Variants in TCF20 observed in about 807,000 individuals in gnomAD.
The protein encoded by TCF20 is transcription factor 20.
In TCF20, 3 loss-of-function variants were observed where a neutral mutation model predicts 148.6. The ratio of observed to expected loss-of-function variants is 0.02; its 90% confidence interval spans 0.01 to 0.05. The LOEUF is 0.05. Ranked by LOEUF, TCF20 falls within the 10% of genes least tolerant of loss-of-function variation. The probability of loss-of-function intolerance (pLI) is 1.00; values close to 1 mark genes in which losing one functional copy is unlikely to be tolerated. For missense variants in TCF20, 2,350 were observed against 2,429.3 expected (o/e 0.97, Z 0.69); for synonymous variants, 1,049 against 909.5 (o/e 1.15, Z -2.76).
chr22:42,222,490 C>G (rs928908551), intron 1 of TCF20, among the ~76,000 whole-genome samples: 3 of 151,956 alleles, frequency 2.0e-5, no homozygotes, highest in African/African-American at 7.2e-5. Flanking sequence ...ACCATCACAC[C>G]CCCCCATAGG....
chr22:42,328,205 A>G (rs1052779332), intron 1 of TCF20, among the ~76,000 whole-genome samples: 2 of 151,942 alleles, frequency 1.3e-5, no homozygotes, highest in Admixed American at 1.3e-4. Flanking sequence ...GGAGAACCAC[A>G]CGTCTCTAGC....
intron 1 of TCF20, among the ~76,000 whole-genome samples, chr22:42,301,679 G>A (rs188154259): frequency 1.2e-4 from 18 of 152,366 alleles, no homozygotes; most frequent in Non-Finnish European, 2.4e-4. Flanking sequence ...AGCAGCAAGG[G>A]AGGGAAGGTG....
At position 42,290,767 on chromosome 22, in the gene TCF20, T is replaced by G. The variant is rs770674545; in HGVS notation, c.-37+52712A>C. Among the ~76,000 whole-genome samples, 33 of 152,152 alleles carry G rather than the reference T, an allele frequency of 2.2e-4. No homozygotes were observed. The highest frequency in any genetic ancestry group is 3.9e-4 in the Admixed American group (6 of 15,280). Reference sequence around the variant, plus strand: ...GATGAGATGCTGGCCTCAAGGACAATTCAAGGCAATTCAAGGACGAGGTCA... The same window carrying G: ...GATGAGATGCTGGCCTCAAGGACAAGTCAAGGCAATTCAAGGACGAGGTCA... On this transcript the variant is annotated intron_variant, in intron 1 of 1. Coordinates refer to the TCF20 transcript ENST00000515426. The surrounding 1 kb of genome is among the most constrained non-coding windows in gnomAD (Gnocchi z 4.2).
intron 1 of TCF20, among the ~76,000 whole-genome samples, chr22:42,294,840 A>T (rs1218683404): frequency 6.6e-6 from 1 of 152,208 alleles, no homozygotes; most frequent in African/African-American, 2.4e-5. Context: ...GGCAGCCTGC[A>T]GAGGGGAATA....
chr22:42,214,734 T>C lies in TCF20; in HGVS notation c.572A>G (p.His191Arg), dbSNP rs765862076. The change falls in exon 2 of 6, where the codon CAT becomes CGT. Residue 191 changes from histidine (H) to arginine (R), a missense_variant. Physicochemically the swap from His to Arg is conservative, Grantham distance 29. Transcript: ENST00000677622. ...QQLRQQLYQS[H>R]QPLPQATGQP... is the part of the protein sequence containing the mutation. ...GCCAGTGGCCTGTGGCAGGGGCTGATGGGACTGGTAAAGCTGTTGTCTCAA... is the reference window on the plus strand; with the variant it reads ...GCCAGTGGCCTGTGGCAGGGGCTGACGGGACTGGTAAAGCTGTTGTCTCAA... The C allele has an allele frequency of 1.9e-6, 3 of 1,614,086 alleles. No homozygotes were observed. The highest frequency in any genetic ancestry group is 2.5e-6 in the Non-Finnish European group (3 of 1,180,022).
intron 1 of TCF20, among the ~76,000 whole-genome samples, chr22:42,243,292 CAAAAAAA>C (rs3045578): frequency 2.4e-3 from 93 of 39,492 alleles, no homozygotes; most frequent in African/African-American, 6.4e-3. Context: ...GACACTGTCT[CAAAAAAA>C]AAAAAAAAAA....
intron 1 of TCF20, among the ~76,000 whole-genome samples, chr22:42,249,276 C>G (rs1925170779): frequency 6.6e-6 from 1 of 152,208 alleles, no homozygotes; most frequent in African/African-American, 2.4e-5. Flanking sequence ...CCCAGGGTCT[C>G]AAGCCTGCAG....
chr22:42,188,293 CAA>C (rs58945649), intron 2 of TCF20, among the ~76,000 whole-genome samples: 29 of 49,460 alleles, frequency 5.9e-4, no homozygotes, highest in South Asian at 1.1e-3. Flanking sequence ...AACTCCGTCT[CAA>C]AAAAAAAAAA....
chr22:42,168,091 T>C (rs891349487), intron 5 of TCF20, among the ~76,000 whole-genome samples: 1 of 152,142 alleles, frequency 6.6e-6, no homozygotes, highest in Non-Finnish European at 1.5e-5. Flanking sequence ...AGGATTTTTC[T>C]TTCCTTTGTA....
At chr22:42,199,391 G>A (rs1049384109) in intron 2 of TCF20, among the ~76,000 whole-genome samples, 1 of 152,070 alleles carries the variant, frequency 6.6e-6, no homozygotes, top group African/African-American at 2.4e-5. Flanking sequence ...ACTTTGCCTA[G>A]CCTCAATTCA....
intron 3 of TCF20, among the ~76,000 whole-genome samples, chr22:42,174,860 C>G (rs1055968133): frequency 6.6e-6 from 1 of 151,942 alleles, no homozygotes; most frequent in Non-Finnish European, 1.5e-5. Flanking sequence ...ACGGTGAAAC[C>G]CCGTCTCTAC....
At chr22:42,273,773 C>T (rs1046963412), upstream of TCF20, 1 of 152,332 alleles carries the variant, frequency 6.6e-6, no homozygotes, top group Non-Finnish European at 1.5e-5. Flanking sequence ...CCTTTCCCTC[C>T]TCCTCTGGCT....
At chr22:42,228,615 G>A (rs908309202) in intron 1 of TCF20, among the ~76,000 whole-genome samples, 2 of 152,196 alleles carry the variant, frequency 1.3e-5, no homozygotes, top group African/African-American at 4.8e-5. Flanking sequence ...AGAGGAACGA[G>A]GCTGGTAAAG....
chr22:42,198,468 C>T (rs560247597), intron 2 of TCF20, among the ~76,000 whole-genome samples: 2 of 152,256 alleles, frequency 1.3e-5, no homozygotes, highest in African/African-American at 4.8e-5. Flanking sequence ...ATGCCCAAGT[C>T]GCTTATATAA....
Position 42,168,716 on chromosome 22 carries a change from G to A in TCF20, c.5820C>T (p.Leu1940=), listed in dbSNP as rs750345807. 1.9e-6 allele frequency: 3 copies of A among 1,611,164 alleles called. No individual in the cohort carries two copies. The highest frequency in any genetic ancestry group is 2.5e-6 in the Non-Finnish European group (3 of 1,179,048). ...PKHKPPLPCP[L]PPLQNKTAKG... ...TCGCGGTCTTGTTCTGCAAGGGGGGGAGAGGGCACGGAAGGGGAGGCTGAC... is the reference window on the plus strand; with the variant it reads ...TCGCGGTCTTGTTCTGCAAGGGGGGAAGAGGGCACGGAAGGGGAGGCTGAC... The change falls in exon 5 of 6, where the codon CTC becomes CTT. Residue 1940 remains leucine, a synonymous_variant. Coordinates refer to ENST00000677622, the MANE Select transcript of TCF20 (RefSeq NM_001378418.1).
At position 42,323,877 on chromosome 22, in the gene TCF20, G is replaced by A. The variant is rs891846388; in HGVS notation, c.-37+19602C>T. ...TGGAGGTTATGGTGGTGGTGGTGGT[G>A]GTGGTGATGGAGGTTATGGTGGTGG... On this transcript the variant is annotated intron_variant, in intron 1 of 1. Transcript: ENST00000515426. Among the ~76,000 whole-genome samples the A allele has an allele frequency of 7.7e-3, 972 of 125,728 alleles. 7 individuals are homozygous for A. In the East Asian group the frequency reaches 0.15, roughly 20 times the overall value. 82.5% of individuals were successfully genotyped at this position (125,728 alleles called of 152,430 possible). A position where few individuals can be genotyped will look rare whatever the true frequency, so the allele number is the denominator to read the frequency against.
intron 5 of TCF20, among the ~76,000 whole-genome samples, chr22:42,161,695 CT>C (rs998297946): frequency 7.9e-5 from 12 of 152,358 alleles, no homozygotes; most frequent in African/African-American, 2.6e-4. Flanking sequence ...TGTGGGGCAG[CT>C]GGTGGGGTTT....
chr22:42,259,235 T>C (rs1569190991), intron 1 of TCF20, among the ~76,000 whole-genome samples: 1 of 152,192 alleles, frequency 6.6e-6, no homozygotes, highest in Non-Finnish European at 1.5e-5. Context: ...TCTGGGCCCT[T>C]GAGCACTTGT....
chr22:42,216,241 C>T (rs1435213309), intron 1 of TCF20, among the ~76,000 whole-genome samples: 3 of 151,864 alleles, frequency 2.0e-5, no homozygotes, highest in Non-Finnish European at 4.4e-5. Context: ...AGGCATAAGC[C>T]ACTACTTTCA....
Sources: gnomAD v4.1 joint callset for allele counts (sites outside exome capture counted in the v4.1 genomes callset) on GRCh38, gnomAD v4.1.1 for gene constraint, Gnocchi (gnomAD v3.1) non-coding constraint, MANE v1.5 for transcripts, NCBI Gene and HGNC (gene_info 2026-07-23, HGNC 2026-07-21) for gene names.